The following CPQ variants were observed in gnomAD, a reference collection of about 807,000 sequenced individuals.
CPQ encodes the protein Ser-Met dipeptidase.
A neutral mutation model predicts 45.7 loss-of-function variants in CPQ; 37 were observed. The observed-to-expected ratio is 0.81, with a 90% CI of 0.62 to 1.07. The LOEUF is 1.07. Among genes scored for constraint, CPQ ranks in the 50% least tolerant of loss-of-function variants. The probability of loss-of-function intolerance (pLI) is 0.00; values close to 1 mark genes in which losing one functional copy is unlikely to be tolerated. For synonymous variants in CPQ, 186 were observed against 205.8 expected (o/e 0.90, Z 0.82); for missense variants, 537 against 572.9 (o/e 0.94, Z 0.64).
intron 5 of CPQ, among the ~76,000 whole-genome samples, chr8:97,003,676 G>T (rs950653613): frequency 1.3e-5 from 2 of 152,150 alleles, no homozygotes; most frequent in Non-Finnish European, 2.9e-5. Context: ...TTCCATAAGG[G>T]TCTAAGATAA....
chr8:97,103,584 G>A (rs1304205026), intron 7 of CPQ, among the ~76,000 whole-genome samples: 1 of 152,100 alleles, frequency 6.6e-6, no homozygotes, highest in East Asian at 1.9e-4. Context: ...ATGGCTAGCT[G>A]GGTTACCTTG....
At chr8:96,760,188 G>C (rs1004243837) in intron 1 of CPQ, among the ~76,000 whole-genome samples, 2 of 152,188 alleles carry the variant, frequency 1.3e-5, no homozygotes, top group African/African-American at 4.8e-5. Context: ...GACTCCTATG[G>C]CTCTGGGGCA....
chr8:97,071,493 A>T, intron 7 of CPQ, among the ~76,000 whole-genome samples: 1 of 152,118 alleles, frequency 6.6e-6, no homozygotes, highest in East Asian at 1.9e-4. Context: ...AGCACCCAGG[A>T]CATAAAGCCA....
intron 1 of CPQ, among the ~76,000 whole-genome samples, chr8:96,702,837 TG>T (rs1354368713): frequency 2.0e-5 from 3 of 152,234 alleles, no homozygotes; most frequent in Non-Finnish European, 4.4e-5. Context: ...TTTGCATTTT[TG>T]TGCTTTTTTT....
At chr8:96,818,958 T>G in intron 2 of CPQ, among the ~76,000 whole-genome samples, 1 of 151,298 alleles carries the variant, frequency 6.6e-6, no homozygotes, top group East Asian at 1.9e-4. Flanking sequence ...CAGCCACTTC[T>G]TTTTCTCTTC....
intron 7 of CPQ, among the ~76,000 whole-genome samples, chr8:97,104,692 G>A (rs1380155658): frequency 6.6e-6 from 1 of 152,074 alleles, no homozygotes; most frequent in Non-Finnish European, 1.5e-5. Flanking sequence ...ATTCCCTGAA[G>A]GCCATCACAA....
chr8:96,867,615 C>G (rs1164584155), intron 3 of CPQ, among the ~76,000 whole-genome samples: 1 of 151,922 alleles, frequency 6.6e-6, no homozygotes, highest in East Asian at 1.9e-4. Flanking sequence ...GATCCCACCA[C>G]CCAGACAAAA....
At chr8:96,997,192 C>A (rs565928110) in intron 5 of CPQ, among the ~76,000 whole-genome samples, 78 of 151,918 alleles carry the variant, frequency 5.1e-4, no homozygotes, top group Non-Finnish European at 1.0e-3. Flanking sequence ...CAATTAAAGT[C>A]CTCTTAGCTT....
intron 1 of CPQ, among the ~76,000 whole-genome samples, chr8:96,770,440 A>G (rs115114247): frequency 0.019 from 2,912 of 152,130 alleles, 102 homozygotes; most frequent in African/African-American, 0.067. Flanking sequence ...TCCTTCCCCC[A>G]TGTTTCTCTA....
chr8:96,674,264 C>A (rs368844443), intron 1 of CPQ, among the ~76,000 whole-genome samples: 9 of 152,110 alleles, frequency 5.9e-5, no homozygotes, highest in African/African-American at 1.2e-4. Flanking sequence ...ATTTCCTGAA[C>A]CTTTTTTCCC....
At chr8:96,935,722 G>A (rs1363400176) in intron 4 of CPQ, among the ~76,000 whole-genome samples, 1 of 152,142 alleles carries the variant, frequency 6.6e-6, no homozygotes, top group East Asian at 1.9e-4. Context: ...AGAGAAGGTG[G>A]AGATTTTGTA....
At chr8:97,122,107 G>A (rs1474132964) in intron 7 of CPQ, among the ~76,000 whole-genome samples, 3 of 151,950 alleles carry the variant, frequency 2.0e-5, no homozygotes, top group Non-Finnish European at 2.9e-5. Context: ...AAATGTCAGG[G>A]TAATGGCAAA....
intron 1 of CPQ, among the ~76,000 whole-genome samples, chr8:96,680,822 G>C (rs1809140616): frequency 6.6e-6 from 1 of 152,164 alleles, no homozygotes; most frequent in African/African-American, 2.4e-5. Flanking sequence ...TAATGATATG[G>C]ACAATGAAAT....
At chr8:96,974,275 A>C (rs1318701800) in intron 5 of CPQ, among the ~76,000 whole-genome samples, 1 of 152,214 alleles carries the variant, frequency 6.6e-6, no homozygotes, top group Non-Finnish European at 1.5e-5. Context: ...AAAGATGAAG[A>C]GAGACATTAT....
At chr8:96,834,280 G>T (rs949627875) in intron 2 of CPQ, among the ~76,000 whole-genome samples, 1 of 152,178 alleles carries the variant, frequency 6.6e-6, no homozygotes, top group Admixed American at 6.5e-5. Flanking sequence ...GGATTATAGC[G>T]CCATTACACA....
At position 96,911,260 on chromosome 8, in the gene CPQ, G is replaced by A. The variant is rs545059104; in HGVS notation, c.849+31255G>A. Among the ~76,000 whole-genome samples, 12 of 152,214 alleles carry A rather than the reference G, an allele frequency of 7.9e-5. No homozygotes were observed. The South Asian group carries it at 1.7e-3, about 21-fold the overall frequency. On this transcript the variant is annotated intron_variant, in intron 4 of 7. Coordinates refer to ENST00000220763, the MANE Select transcript of CPQ (RefSeq NM_016134.4). ...CCACAAGAAGCCCTTGCTCCAAAAT[G>A]CAAATGACTTATTTGCTACTTCAAA...
chr8:96,948,940 T>C (rs1360291576), intron 4 of CPQ, among the ~76,000 whole-genome samples: 2 of 152,260 alleles, frequency 1.3e-5, no homozygotes, highest in South Asian at 4.1e-4. Context: ...GAGTATGTTT[T>C]GTCTAAGGAT....
intron 6 of CPQ, among the ~76,000 whole-genome samples, chr8:97,039,443 A>G (rs1049659450): frequency 1.3e-5 from 2 of 150,968 alleles, no homozygotes; most frequent in African/African-American, 4.9e-5. Flanking sequence ...CCTTTTTAAT[A>G]TTAAACAATT....
chr8:96,911,377 A>G (rs919497254), intron 4 of CPQ, among the ~76,000 whole-genome samples: 2 of 152,190 alleles, frequency 1.3e-5, no homozygotes, highest in Non-Finnish European at 2.9e-5. Context: ...GCATATTCTC[A>G]CCCAGGGGTC....
Sources: gnomAD v4.1 joint callset for allele counts (sites outside exome capture counted in the v4.1 genomes callset) on GRCh38, gnomAD v4.1.1 for gene constraint, MANE v1.5 for transcripts, NCBI Gene and HGNC (gene_info 2026-07-23, HGNC 2026-07-21) for gene names.